Variants in PAK5 observed in about 807,000 individuals in gnomAD.
The protein encoded by PAK5 is p21 (RAC1) activated kinase 5.
A neutral mutation model predicts 65.9 loss-of-function variants in PAK5; 16 were observed. The ratio of observed to expected loss-of-function variants is 0.24; its 90% CI spans 0.16 to 0.37. The LOEUF (loss-of-function observed/expected upper bound fraction) is 0.37. Among genes scored for constraint, PAK5 ranks in the 10% least tolerant of loss-of-function variants. The probability of loss-of-function intolerance (pLI) is 1.00; values close to 1 mark genes in which losing one functional copy is unlikely to be tolerated. For missense variants in PAK5, 785 were observed against 903.9 expected (o/e 0.87, Z 1.69); for synonymous variants, 371 against 354.9 (o/e 1.05, Z -0.51).
chr20:9,602,327 T>G (rs2046375726), intron 3 of PAK5, among the ~76,000 whole-genome samples: 1 of 144,122 alleles, frequency 6.9e-6, no homozygotes, highest in South Asian at 2.1e-4. Flanking sequence ...AATAAATAAA[T>G]AAATAAATAA....
chr20:9,544,549 C>A, intron 7 of PAK5, 55 bp from the exon 8 acceptor site: 1 of 1,518,266 alleles, frequency 6.6e-7, no homozygotes, highest in Non-Finnish European at 9.1e-7. Flanking sequence ...GTCTGCTAGA[C>A]ACGAAAATAC....
chr20:9,791,886 T>C (rs6056878), intron 1 of PAK5, among the ~76,000 whole-genome samples: 2,507 of 152,176 alleles, frequency 0.016, 69 homozygotes, highest in African/African-American at 0.049. Flanking sequence ...TGAAATGGCT[T>C]CCTCCCAAGT....
chr20:9,785,748 CTT>C (rs967184030), intron 1 of PAK5, among the ~76,000 whole-genome samples: 7 of 152,114 alleles, frequency 4.6e-5, no homozygotes, highest in Admixed American at 1.3e-4. Flanking sequence ...ACCAACAAAA[CTT>C]TGATTAATTT....
At chr20:9,793,197 C>T (rs757121859) in intron 1 of PAK5, among the ~76,000 whole-genome samples, 17 of 152,074 alleles carry the variant, frequency 1.1e-4, no homozygotes, top group South Asian at 2.1e-4. Context: ...TAAGCATCCA[C>T]GCTGCAAAAG....
intron 1 of PAK5, among the ~76,000 whole-genome samples, chr20:9,756,829 C>G (rs1275975354): frequency 2.6e-5 from 4 of 152,168 alleles, no homozygotes; most frequent in Admixed American, 2.0e-4. Context: ...CTGCAAACAT[C>G]TGTAACTTAT....
intron 3 of PAK5, among the ~76,000 whole-genome samples, chr20:9,609,700 A>G (rs185670159): frequency 3.9e-5 from 6 of 152,338 alleles, no homozygotes; most frequent in Admixed American, 3.3e-4. Flanking sequence ...CCAGCAACAC[A>G]AAACATTAAA....
intron 1 of PAK5, among the ~76,000 whole-genome samples, chr20:9,801,841 G>A (rs1425104018): frequency 2.0e-5 from 3 of 152,068 alleles, no homozygotes; most frequent in Non-Finnish European, 4.4e-5. Context: ...ACATATAAAA[G>A]TAACTAGGAA....
At chr20:9,605,945 G>T (rs1322252768) in intron 3 of PAK5, among the ~76,000 whole-genome samples, 1 of 151,996 alleles carries the variant, frequency 6.6e-6, no homozygotes, top group Non-Finnish European at 1.5e-5. Flanking sequence ...AAAGTGAAGA[G>T]AATTTAGACA....
At chr20:9,638,608 A>G (rs2047011181) in intron 3 of PAK5, among the ~76,000 whole-genome samples, 1 of 152,210 alleles carries the variant, frequency 6.6e-6, no homozygotes, top group South Asian at 2.1e-4. Flanking sequence ...TCCCAGTTCT[A>G]CTGAATCAGA....
rs1568964838 is a variant in PAK5 at position 9,562,926 on chromosome 20, T to C, written c.1581A>G (p.Glu527=). ...DELWVVMEFL[E]GGALTDIVTH... is the part of the protein sequence containing the mutation. ...TCACAATGTCTGTCAAGGCACCACC[T>C]TCTAGAAACTCCATGACCACCCAGA... The change falls in exon 6 of 10, where the codon GAA becomes GAG. Residue 527 remains glutamate, a synonymous_variant. Coordinates refer to ENST00000353224, the MANE Select transcript of PAK5 (RefSeq NM_177990.4). 3.1e-6 allele frequency: 5 copies of C among 1,613,900 alleles called. No individual in the cohort carries two copies. The highest frequency in any genetic ancestry group is 4.2e-6 in the Non-Finnish European group (5 of 1,179,820).
chr20:9,705,678 C>T (rs1017188440), intron 2 of PAK5, among the ~76,000 whole-genome samples: 8 of 152,004 alleles, frequency 5.3e-5, no homozygotes, highest in Admixed American at 3.3e-4. Flanking sequence ...TCCTAGGAAT[C>T]CACTTCTACA....
intron 7 of PAK5, among the ~76,000 whole-genome samples, chr20:9,551,497 A>C (rs911131522): frequency 6.6e-6 from 1 of 152,188 alleles, no homozygotes; most frequent in African/African-American, 2.4e-5. Context: ...CAGGGTTCCC[A>C]CAAAAGAATG....
intron 1 of PAK5, among the ~76,000 whole-genome samples, chr20:9,817,259 G>A (rs1456457011): frequency 2.0e-5 from 3 of 152,068 alleles, no homozygotes; most frequent in East Asian, 1.9e-4. Context: ...TTTTAAATAC[G>A]TATAATTTTT....
intron 1 of PAK5, among the ~76,000 whole-genome samples, chr20:9,751,019 G>C (rs2048570495): frequency 6.6e-6 from 1 of 152,144 alleles, no homozygotes; most frequent in East Asian, 1.9e-4. Context: ...CTCCCAGCTA[G>C]AAAAGAGATT....
At chr20:9,764,672 A>C (rs1358201588) in intron 1 of PAK5, among the ~76,000 whole-genome samples, 1 of 152,192 alleles carries the variant, frequency 6.6e-6, no homozygotes, top group East Asian at 1.9e-4. Context: ...TCATATATAG[A>C]AAAGAGTCTT....
intron 2 of PAK5, among the ~76,000 whole-genome samples, chr20:9,650,577 T>A (rs1306876518): frequency 6.6e-6 from 1 of 152,248 alleles, no homozygotes; most frequent in African/African-American, 2.4e-5. Flanking sequence ...CAGTTTTCCC[T>A]CCAGTTTTCA....
chr20:9,602,142 T>C (rs2046371458), intron 3 of PAK5, among the ~76,000 whole-genome samples: 1 of 151,500 alleles, frequency 6.6e-6, no homozygotes, highest in African/African-American at 2.4e-5. Context: ...AATACAAAAA[T>C]TAGCTGGGTG....
chr20:9,624,557 A>T (rs1485258784), intron 3 of PAK5, among the ~76,000 whole-genome samples: 1 of 151,214 alleles, frequency 6.6e-6, no homozygotes, highest in Non-Finnish European at 1.5e-5. Flanking sequence ...CTTAAAATTA[A>T]GGTTCATGTT....
chr20:9,586,358 A>G (rs2046069710), intron 3 of PAK5, among the ~76,000 whole-genome samples: 1 of 152,192 alleles, frequency 6.6e-6, no homozygotes, highest in Admixed American at 6.5e-5. Context: ...TTTTTACACT[A>G]AAACCCTTCC....
Sources: gnomAD v4.1 joint callset for allele counts (sites outside exome capture counted in the v4.1 genomes callset) on GRCh38, gnomAD v4.1.1 for gene constraint, MANE v1.5 for transcripts, NCBI Gene and HGNC (gene_info 2026-07-23, HGNC 2026-07-21) for gene names.